Variants in SCGB2B2 observed in about 807,000 individuals in gnomAD.
SCGB2B2 encodes secretoglobin-like protein.
A neutral mutation model predicts 7.6 loss-of-function variants in SCGB2B2; 11 were observed. That is an observed-to-expected ratio of 1.45 (90% CI 0.91 to 2.40). SCGB2B2 has a LOEUF of 2.40. Ranked by LOEUF, SCGB2B2 falls within the 30% of genes most tolerant of loss-of-function variation. The pLI is 0.00. For synonymous variants in SCGB2B2, 50 were observed against 48.6 expected, an observed-to-expected ratio of 1.03 and a Z score of -0.12; for missense variants, 104 against 115.4, an observed-to-expected ratio of 0.90 and a Z score of 0.45.
At chr19:34,667,000 C>G (rs751534) in intron 1 of SCGB2B2, among the ~76,000 whole-genome samples, 87,814 of 151,882 alleles carry the variant, frequency 0.58, 25,907 homozygotes, top group Middle Eastern at 0.67. Flanking sequence ...AAGAAACACA[C>G]CCTCCAAACT....
intron 1 of SCGB2B2, among the ~76,000 whole-genome samples, chr19:34,650,093 C>T (rs1425862536): frequency 6.6e-6 from 1 of 151,308 alleles, no homozygotes; most frequent in African/African-American, 2.5e-5. Context: ...GACACTGAGT[C>T]ACACTGGTTG....
chr19:34,628,146 C>T (rs1299094936), intron 1 of SCGB2B2, among the ~76,000 whole-genome samples: 3 of 152,034 alleles, frequency 2.0e-5, no homozygotes, highest in African/African-American at 4.8e-5. Context: ...ATTTATAGCA[C>T]TAAATGCCCA....
intron 1 of SCGB2B2, among the ~76,000 whole-genome samples, chr19:34,662,793 C>T (rs2067496706): frequency 6.6e-6 from 1 of 151,906 alleles, no homozygotes; most frequent in South Asian, 2.1e-4. Flanking sequence ...TAGCCAGGCA[C>T]AGTGGTATGT....
intron 1 of SCGB2B2, among the ~76,000 whole-genome samples, chr19:34,636,951 C>T (rs7253308): frequency 1.3e-5 from 2 of 152,048 alleles, no homozygotes; most frequent in Non-Finnish European, 1.5e-5. Context: ...GGGAAAGACA[C>T]GACAGGTGAG....
intron 1 of SCGB2B2, among the ~76,000 whole-genome samples, chr19:34,604,054 G>GTTGT (rs1391699744): frequency 1.3e-5 from 2 of 151,954 alleles, no homozygotes; most frequent in Non-Finnish European, 2.9e-5. Flanking sequence ...AAGTTTGTCA[G>GTTGT]TTGTTAGCAG....
intron 1 of SCGB2B2, among the ~76,000 whole-genome samples, chr19:34,607,392 G>A (rs971172091): frequency 2.0e-5 from 3 of 152,018 alleles, no homozygotes; most frequent in African/African-American, 7.2e-5. Flanking sequence ...TCCCTATCTT[G>A]GTGACCATGA....
chr19:34,624,183 T>C (rs758619893), intron 1 of SCGB2B2, among the ~76,000 whole-genome samples: 1 of 151,348 alleles, frequency 6.6e-6, no homozygotes, highest in Non-Finnish European at 1.5e-5. Context: ...CCCCACAATA[T>C]GCCTCCCAGC....
At chr19:34,671,878 T>C (rs1277430600) in intron 1 of SCGB2B2, among the ~76,000 whole-genome samples, 3 of 152,208 alleles carry the variant, frequency 2.0e-5, no homozygotes, top group African/African-American at 7.2e-5. Context: ...TCCATTAATA[T>C]TTATGTTGTC....
downstream of SCGB2B2, among the ~76,000 whole-genome samples, chr19:34,587,801 T>TA (rs1274190993): frequency 6.6e-6 from 1 of 152,228 alleles, no homozygotes; most frequent in Non-Finnish European, 1.5e-5. Flanking sequence ...ATGGTTCTTG[T>TA]ACTCATTCTG....
downstream of SCGB2B2, among the ~76,000 whole-genome samples, chr19:34,590,039 C>G (rs1600028829): frequency 6.6e-6 from 1 of 152,174 alleles, no homozygotes; most frequent in Admixed American, 6.5e-5. Context: ...ATCACAAGTT[C>G]TCTGAGTATG....
At chr19:34,622,368 T>C (rs2066264649) in intron 1 of SCGB2B2, among the ~76,000 whole-genome samples, 1 of 152,104 alleles carries the variant, frequency 6.6e-6, no homozygotes, top group Non-Finnish European at 1.5e-5. Flanking sequence ...AGGGACTGAG[T>C]TTTAGCTGCT....
intron 1 of SCGB2B2, among the ~76,000 whole-genome samples, 197 bp downstream of exon 1, chr19:34,675,433 G>C (rs911247927): frequency 6.6e-6 from 1 of 152,178 alleles, no homozygotes. Flanking sequence ...AAACCAGAGC[G>C]ACTCCATCTT....
At chr19:34,660,127 A>G (rs1443642187) in intron 1 of SCGB2B2, among the ~76,000 whole-genome samples, 2 of 152,244 alleles carry the variant, frequency 1.3e-5, no homozygotes, top group Admixed American at 6.5e-5. Flanking sequence ...TTATACAAAA[A>G]TTAACTCAAG....
At chr19:34,643,812 T>C (rs1011574654) in intron 1 of SCGB2B2, among the ~76,000 whole-genome samples, 1 of 152,074 alleles carries the variant, frequency 6.6e-6, no homozygotes, top group East Asian at 1.9e-4. Flanking sequence ...CAAAAAAATA[T>C]TAATTTAAGG....
chr19:34,605,025 C>T (rs1234022306), intron 1 of SCGB2B2, among the ~76,000 whole-genome samples: 1 of 152,194 alleles, frequency 6.6e-6, no homozygotes, highest in Non-Finnish European at 1.5e-5. Flanking sequence ...TGCCTGTCTC[C>T]TGCCTCTTTG....
At chr19:34,638,562 C>T (rs890531157) in intron 1 of SCGB2B2, among the ~76,000 whole-genome samples, 16 of 152,124 alleles carry the variant, frequency 1.1e-4, no homozygotes, top group Admixed American at 8.5e-4. Flanking sequence ...ATTATATTTC[C>T]ACGGCCAACT....
At position 34,591,629 on chromosome 19, in the gene SCGB2B2, G is replaced by A. The variant is rs578064912; in HGVS notation, c.*1926C>T. Among the ~76,000 whole-genome samples the A allele has an allele frequency of 4.6e-5, 7 of 152,292 alleles. No individual in the cohort carries two copies. The highest frequency in any genetic ancestry group is 1.7e-4 in the African/African-American group (7 of 41,568). ...TGACCTGGCACTTGCCTCGTTTTCT[G>A]ACGTGACCTCCTTCCCTGCTGCCCC... On this transcript the variant is annotated 3_prime_UTR_variant, in exon 4 of 4. Transcript: ENST00000601241.
intron 1 of SCGB2B2, among the ~76,000 whole-genome samples, chr19:34,651,654 T>C (rs2067163617): frequency 6.6e-6 from 1 of 151,114 alleles, no homozygotes; most frequent in Non-Finnish European, 1.5e-5. Flanking sequence ...TGAAAACATA[T>C]CCCATGTTCA....
chr19:34,589,251 G>C (rs573094640), downstream of SCGB2B2, among the ~76,000 whole-genome samples: 1 of 152,100 alleles, frequency 6.6e-6, no homozygotes, highest in Non-Finnish European at 1.5e-5. Flanking sequence ...AGGCAGGAGA[G>C]GTAAATGGGA....
Sources: gnomAD v4.1 joint callset for allele counts (sites outside exome capture counted in the v4.1 genomes callset) on GRCh38, gnomAD v4.1.1 for gene constraint, MANE v1.5 for transcripts, NCBI Gene and HGNC (gene_info 2026-07-23, HGNC 2026-07-21) for gene names.